Variants in VPS13D observed in about 807,000 individuals in gnomAD.
VPS13D encodes intermembrane lipid transfer protein VPS13D.
A neutral mutation model predicts 461.9 loss-of-function variants in VPS13D; 187 were observed. The observed-to-expected ratio is 0.40, with a 90% CI of 0.36 to 0.46. VPS13D has a LOEUF of 0.46. Among genes scored for constraint, VPS13D ranks in the 20% least tolerant of loss-of-function variants. The probability of loss-of-function intolerance (pLI) is 0.60; values close to 1 mark genes in which losing one functional copy is unlikely to be tolerated. For missense variants in VPS13D, 4,711 were observed against 5,364.9 expected (o/e 0.88, Z 3.81); for synonymous variants, 1,951 against 1,986.3 (o/e 0.98, Z 0.47).
intron 3 of VPS13D, among the ~76,000 whole-genome samples, chr1:12,243,868 A>G (rs1005065216): frequency 6.6e-6 from 1 of 152,206 alleles, no homozygotes; most frequent in African/African-American, 2.4e-5. Flanking sequence ...TATCAACCAG[A>G]CAATGACTAA....
intron 10 of VPS13D, among the ~76,000 whole-genome samples, chr1:12,259,053 T>G (rs576164262): frequency 2.5e-4 from 38 of 152,094 alleles, no homozygotes; most frequent in Middle Eastern, 3.4e-3. Context: ...TTCTTTTTTT[T>G]TTTTGTGTGA....
Position 12,277,104 on chromosome 1 carries a change from G to T in VPS13D, c.3516G>T (p.Arg1172Ser). Residue 1172 changes from arginine to serine, a missense_variant, in exon 19 of 70, where the codon AGG becomes AGT. Arg to Ser is a moderately radical substitution (Grantham distance 110). This residue lies in a region of VPS13D where 4,411 missense variants were observed against 4,937.8 expected (regional missense o/e 0.89). Transcript: ENST00000620676. ...CTGAGGTTGCAGTGGAAATCCATAGGCTGAACTTACTGCTTCTTCGGACAG... is the reference window on the plus strand; with the variant it reads ...CTGAGGTTGCAGTGGAAATCCATAGTCTGAACTTACTGCTTCTTCGGACAG... ...QNTEVAVEIH[R>S]LNLLLLRTVG... 1 of 1,614,110 alleles carries T rather than the reference G, an allele frequency of 6.2e-7. No homozygotes were observed. Among genetic ancestry groups the T allele is most frequent in the Non-Finnish European group, 8.5e-7 (1 of 1,180,024 alleles).
chr1:12,444,418 A>T (rs1463173057), intron 65 of VPS13D, among the ~76,000 whole-genome samples: 1 of 152,160 alleles, frequency 6.6e-6, no homozygotes, highest in African/African-American at 2.4e-5. Context: ...AAGTCTTTGG[A>T]CGATTTTGGG....
intron 2 of VPS13D, among the ~76,000 whole-genome samples, chr1:12,237,570 G>A (rs889867060): frequency 2.0e-5 from 3 of 147,030 alleles, no homozygotes; most frequent in East Asian, 4.2e-4. Flanking sequence ...TGTAATCCTA[G>A]CACTTCGGGA....
At position 12,368,497 on chromosome 1, in the gene VPS13D, G is replaced by C; in HGVS notation, c.10478G>C (p.Arg3493Pro). ...ACCTTGGGAAAATGCTTCTTCCTAC[G>C]AGTGGAAATTACTCTCCGAGGAGCT... ...RDTLGKCFFL[R>P]VEITLRGATY... Residue 3493 changes from arginine to proline, a missense_variant, in exon 53 of 70, where the codon CGA becomes CCA. By Grantham distance (103) the Arg-to-Pro change is moderately radical. Coordinates refer to ENST00000620676, the MANE Select transcript of VPS13D (RefSeq NM_015378.4). 6.2e-7 allele frequency: 1 copy of C among 1,612,948 alleles called. No individual in the cohort carries two copies. Among genetic ancestry groups the C allele is most frequent in the Non-Finnish European group, 8.5e-7 (1 of 1,179,452 alleles).
rs906795895 is a variant in VPS13D at position 12,247,502 on chromosome 1, C to CA, written c.448-1713dup. Among the ~76,000 whole-genome samples the CA allele has an allele frequency of 1.0e-4, 15 of 150,174 alleles. 1 individual carries two copies. Among genetic ancestry groups the CA allele is most frequent in the South Asian group, 8.5e-4 (4 of 4,718 alleles). ...AGAAAGAAAAAAATTAAAAAAAACCCAAAAAAAACCCAAAAAAAACAAAAA... is the reference window on the plus strand; with the variant it reads ...AGAAAGAAAAAAATTAAAAAAAACCCAAAAAAAAACCCAAAAAAAACAAAAA... On this transcript the variant is annotated intron_variant, in intron 5 of 69. Transcript: ENST00000620676.
intron 21 of VPS13D, among the ~76,000 whole-genome samples, chr1:12,286,500 C>T (rs1641980545): frequency 1.3e-5 from 2 of 152,212 alleles, no homozygotes; most frequent in South Asian, 4.1e-4. Flanking sequence ...CGCCTATTGA[C>T]TTGTTACAGA....
chr1:12,343,195 A>G (rs1027802001), intron 42 of VPS13D, 144 bp downstream of exon 42: 2 of 678,980 alleles, frequency 2.9e-6, no homozygotes, highest in Non-Finnish European at 2.0e-6. Flanking sequence ...TTTTTGAGAC[A>G]GGGTCTTCTT....
chr1:12,292,700 A>G (rs1420406072), intron 23 of VPS13D, among the ~76,000 whole-genome samples: 2 of 151,968 alleles, frequency 1.3e-5, no homozygotes, highest in Admixed American at 6.6e-5. Flanking sequence ...CGGCCTCCCA[A>G]AGTGTTGGGA....
At chr1:12,258,327 C>G (rs1447785178) in intron 10 of VPS13D, among the ~76,000 whole-genome samples, 1 of 152,202 alleles carries the variant, frequency 6.6e-6, no homozygotes, top group African/African-American at 2.4e-5. Context: ...GAAGAAAAGA[C>G]ACCGTGGTCC....
chr1:12,439,170 T>A (rs1393628182), intron 65 of VPS13D, among the ~76,000 whole-genome samples: 1 of 152,136 alleles, frequency 6.6e-6, no homozygotes, highest in Non-Finnish European at 1.5e-5. Context: ...AAATTCCAGC[T>A]TGTGCAACCT....
chr1:12,327,568 T>A (rs1373953643), intron 35 of VPS13D, 80 bp from the exon 36 acceptor site: 2 of 1,378,700 alleles, frequency 1.5e-6, no homozygotes. Flanking sequence ...CTAGAGAATT[T>A]TATTTCTCTG....
Position 12,495,676 on chromosome 1 carries a change from G to A in VPS13D, c.12663-1824G>A, listed in dbSNP as rs765233409. 1.3e-5 allele frequency among the ~76,000 whole-genome samples: 2 copies of A among 152,182 alleles called. No individual in the cohort carries two copies. Among genetic ancestry groups the A allele is most frequent in the African/African-American group, 2.4e-5 (1 of 41,440 alleles). On this transcript the variant is annotated intron_variant, in intron 67 of 69. Transcript: ENST00000620676. The surrounding 1 kb of genome is among the most constrained non-coding windows in gnomAD (Gnocchi z 4.0). ...TTGATTGGGGAAGATATGTTGAGAC[G>A]AGTCTGAATCAAACCTTACGTTGAA...
intron 16 of VPS13D, among the ~76,000 whole-genome samples, chr1:12,269,355 G>A (rs1439987627): frequency 6.6e-6 from 1 of 152,164 alleles, no homozygotes; most frequent in African/African-American, 2.4e-5. Flanking sequence ...ATAGATGAAA[G>A]TACTACAGGC....
At position 12,324,491 on chromosome 1, in the gene VPS13D, G is replaced by A. The variant is rs529905368; in HGVS notation, c.7990+711G>A. Among the ~76,000 whole-genome samples the A allele has an allele frequency of 2.0e-5, 3 of 152,194 alleles. No individual in the cohort carries two copies. The South Asian group carries it at 6.2e-4, about 32-fold the overall frequency. ...TGCACTACAGCCTAGGCAACAGAGC[G>A]AGACTCTGTCTCAAAAAAAAAGGGG... On this transcript the variant is annotated intron_variant, in intron 35 of 69. Coordinates refer to ENST00000620676, the MANE Select transcript of VPS13D (RefSeq NM_015378.4).
chr1:12,447,850 G>A (rs1557444724), intron 65 of VPS13D, among the ~76,000 whole-genome samples: 1 of 152,092 alleles, frequency 6.6e-6, no homozygotes, highest in South Asian at 2.1e-4. Context: ...AGGAATGTTC[G>A]GTTTCATTTC....
intron 65 of VPS13D, among the ~76,000 whole-genome samples, chr1:12,444,294 C>CT (rs1288644130): frequency 6.6e-6 from 1 of 151,828 alleles, no homozygotes; most frequent in African/African-American, 2.4e-5. Context: ...GTAATGTGTC[C>CT]TTTTTTTTCT....
In VPS13D at chr1:12,368,479, G is replaced by A; in HGVS notation, c.10460G>A (p.Gly3487Glu). The change falls in exon 53 of 70, where the codon GGA becomes GAA. Residue 3487 changes from glycine (G) to glutamate (E), a missense_variant. This residue lies in a region of VPS13D where 4,411 missense variants were observed against 4,937.8 expected (regional missense o/e 0.89). Coordinates refer to ENST00000620676, the MANE Select transcript of VPS13D (RefSeq NM_015378.4). The stretch of plus-strand genomic sequence containing the variant: ...TCCTTGTCCTGCAGGGATACCTTGG[G>A]AAAATGCTTCTTCCTACGAGTGGAA... Reference protein sequence around the residue: ...SFHINMRDTLGKCFFLRVEIT... With the variant: ...SFHINMRDTLEKCFFLRVEIT... The A allele has an allele frequency of 1.9e-6, 3 of 1,611,908 alleles. No homozygotes were observed. The highest frequency in any genetic ancestry group is 2.5e-6 in the Non-Finnish European group (3 of 1,178,878).
rs546347743 is a variant in VPS13D, at chr1:12,479,964, C to T, written c.12663-17536C>T. Reference sequence around the variant, plus strand: ...TGAGGGATATACTATAGCTGGGAAGCTTGGAAGGGCTCATGTTCAAGGGCC... The same window carrying T: ...TGAGGGATATACTATAGCTGGGAAGTTTGGAAGGGCTCATGTTCAAGGGCC... On this transcript the variant is annotated intron_variant, in intron 67 of 69. Coordinates refer to ENST00000620676, the MANE Select transcript of VPS13D (RefSeq NM_015378.4). Among the ~76,000 whole-genome samples the T allele has an allele frequency of 4.7e-4, 72 of 152,306 alleles. 1 individual carries two copies. The highest frequency in any genetic ancestry group is 1.4e-3 in the Admixed American group (21 of 15,310).
Sources: gnomAD v4.1 joint callset for allele counts (sites outside exome capture counted in the v4.1 genomes callset) on GRCh38, gnomAD v4.1.1 for gene constraint, gnomAD v4.1.1 regional missense constraint, Gnocchi (gnomAD v3.1) non-coding constraint, MANE v1.5 for transcripts, NCBI Gene and HGNC (gene_info 2026-07-23, HGNC 2026-07-21) for gene names.